Variants in MAST2 observed in about 807,000 individuals in gnomAD.
The protein encoded by MAST2 is microtubule associated serine/threonine kinase 2, also known as microtubule-associated serine/threonine-protein kinase 2.
Under a neutral mutation model 147.4 loss-of-function variants are expected in MAST2, and 70 were observed. The ratio of observed to expected loss-of-function variants is 0.47; its 90% CI spans 0.39 to 0.58. The LOEUF (loss-of-function observed/expected upper bound fraction) is 0.58. MAST2 is among the 20% of genes least tolerant of loss of function. The pLI, the probability that MAST2 is intolerant of heterozygous loss-of-function variation, is 0.00. For synonymous variants in MAST2, 869 were observed against 896.8 expected, an observed-to-expected ratio of 0.97 and a Z score of 0.55; for missense variants, 2,080 against 2,302.3, an observed-to-expected ratio of 0.90 and a Z score of 1.98.
At chr1:46,014,735 A>T (rs1212927961) in intron 10 of MAST2, among the ~76,000 whole-genome samples, 2 of 152,104 alleles carry the variant, frequency 1.3e-5, no homozygotes, top group South Asian at 4.1e-4. Flanking sequence ...GGGAGACTTT[A>T]ACACCCCACT....
At chr1:45,913,241 C>T (rs569341893) in intron 4 of MAST2, among the ~76,000 whole-genome samples, 23 of 152,278 alleles carry the variant, frequency 1.5e-4, no homozygotes, top group African/African-American at 5.1e-4. Context: ...TGTAGTCTTC[C>T]TTCAGGCTTG....
At position 46,003,253 on chromosome 1, in the gene MAST2, A is replaced by G. The variant is rs370798017; in HGVS notation, c.747+370A>G. ...GAACCAAGAGCAGATCACCTTTCTC[A>G]TATCTGAAGCACTTGGTAGACTCTC... On this transcript the variant is annotated intron_variant, in intron 7 of 28. Coordinates refer to ENST00000361297, the MANE Select transcript of MAST2 (RefSeq NM_015112.3). Among the ~76,000 whole-genome samples the G allele has an allele frequency of 2.4e-4, 36 of 152,256 alleles. 1 individual carries two copies. Among genetic ancestry groups the G allele is most frequent in the South Asian group, 2.1e-3 (10 of 4,826 alleles).
chr1:45,967,911 C>CGTGTGTGT, intron 5 of MAST2, among the ~76,000 whole-genome samples: 1 of 152,192 alleles, frequency 6.6e-6, no homozygotes, highest in Non-Finnish European at 1.5e-5. Flanking sequence ...TATATATAAG[C>CGTGTGTGT]ACATGTGTGT....
intron 10 of MAST2, chr1:46,011,208 G>T: frequency 2.3e-6 from 1 of 440,456 alleles, no homozygotes; most frequent in African/African-American, 2.0e-5. Context: ...CTCCACCATG[G>T]GTAGTAGTCA....
chr1:45,942,560 G>T (rs138340965), intron 4 of MAST2, among the ~76,000 whole-genome samples: 3 of 152,200 alleles, frequency 2.0e-5, no homozygotes, highest in Non-Finnish European at 4.4e-5. Context: ...ATGCAGGTTT[G>T]TTATATAGGT....
chr1:45,847,492 A>G (rs779290973), intron 3 of MAST2: 21 of 759,106 alleles, frequency 2.8e-5, no homozygotes, highest in Non-Finnish European at 3.2e-5. Context: ...TCATTCTTCA[A>G]TTTTTCCTTT....
At chr1:45,889,167 T>C (rs1309955962) in intron 4 of MAST2, among the ~76,000 whole-genome samples, 1 of 152,202 alleles carries the variant, frequency 6.6e-6, no homozygotes, top group Non-Finnish European at 1.5e-5. Context: ...TTATTAGATA[T>C]TAATTTAAAC....
At chr1:45,966,422 TA>T (rs969914547) in intron 5 of MAST2, among the ~76,000 whole-genome samples, 302 of 123,022 alleles carry the variant, frequency 2.5e-3, no homozygotes, top group Middle Eastern at 9.1e-3. Flanking sequence ...TTTGATTTTG[TA>T]AAAAAAAAAA....
chr1:46,006,324 C>T lies in MAST2; in HGVS notation c.831C>T (p.Phe277=). The change falls in exon 8 of 29, where the codon TTC becomes TTT. Residue 277 remains phenylalanine, a synonymous_variant. Coordinates refer to ENST00000361297, the MANE Select transcript of MAST2 (RefSeq NM_015112.3). Reference sequence around the variant, plus strand: ...AGCTGCACTTTTTGACGAAGCATTTCAGCACAGAGAGCGTACCAGATGAGG... The same window carrying T: ...AGCTGCACTTTTTGACGAAGCATTTTAGCACAGAGAGCGTACCAGATGAGG... ...ADELHFLTKH[F]STESVPDEEG... 1 of 1,614,110 alleles carries T rather than the reference C, an allele frequency of 6.2e-7. No homozygotes were observed. Among genetic ancestry groups the T allele is most frequent in the South Asian group, 1.1e-5 (1 of 91,056 alleles).
At chr1:45,812,605 T>C (rs1433276006) in intron 1 of MAST2, among the ~76,000 whole-genome samples, 2 of 152,098 alleles carry the variant, frequency 1.3e-5, no homozygotes. Context: ...TTTGTATTTT[T>C]AGTAGAGACT....
chr1:45,926,334 G>C (rs1024056172), intron 4 of MAST2, among the ~76,000 whole-genome samples: 4 of 152,200 alleles, frequency 2.6e-5, no homozygotes, highest in Non-Finnish European at 4.4e-5. Flanking sequence ...AGACTCAGAT[G>C]TTGCTAATTC....
chr1:45,987,776 G>GGTTTTTTTTTTTTTTTTT (rs1644692974), intron 5 of MAST2, among the ~76,000 whole-genome samples: 2 of 30,708 alleles, frequency 6.5e-5, no homozygotes, highest in African/African-American at 1.4e-4. Flanking sequence ...TTTTTTTTTT[G>GGTTTTTTTTTTTTTTTTT]ATTTTTTTTT....
At chr1:45,848,056 T>G (rs1201949673) in intron 3 of MAST2, among the ~76,000 whole-genome samples, 1 of 152,216 alleles carries the variant, frequency 6.6e-6, no homozygotes, top group Non-Finnish European at 1.5e-5. Context: ...TCCAGAACAT[T>G]GAGTTGTCAT....
intron 4 of MAST2, among the ~76,000 whole-genome samples, chr1:45,886,088 A>G (rs1270927932): frequency 6.6e-6 from 1 of 151,822 alleles, no homozygotes; most frequent in East Asian, 1.9e-4. Flanking sequence ...ACATAGTGAG[A>G]CCCTGTCTCT....
At chr1:45,962,616 T>A (rs144069307) in intron 5 of MAST2, among the ~76,000 whole-genome samples, 6,876 of 152,086 alleles carry the variant, frequency 0.045, 495 homozygotes, top group African/African-American at 0.15. Context: ...TGTGATGGGG[T>A]TGTTTGTTTT....
chr1:46,036,099 T>C lies in MAST2; in HGVS notation c.*33T>C. The C allele has an allele frequency of 3.2e-6, 5 of 1,542,350 alleles. No individual in the cohort carries two copies. The highest frequency in any genetic ancestry group is 4.4e-6 in the Non-Finnish European group (5 of 1,141,788). On this transcript the variant is annotated 3_prime_UTR_variant, in exon 29 of 29. Transcript: ENST00000361297. The stretch of plus-strand genomic sequence containing the variant: ...TTGCCATTTCTTGCACTCAGACCTG[T>C]GTAATATATGCTCCTGGAAACCATC...
intron 3 of MAST2, among the ~76,000 whole-genome samples, chr1:45,874,768 A>C (rs940433514): frequency 4.6e-5 from 7 of 152,228 alleles, no homozygotes; most frequent in African/African-American, 1.7e-4. Flanking sequence ...CAGTCAAAGA[A>C]AACAGATAAT....
Position 46,029,576 on chromosome 1 carries a change from G to A in MAST2, c.2320+9G>A. The A allele has an allele frequency of 6.2e-7, 1 of 1,611,832 alleles. No individual in the cohort carries two copies. The highest frequency in any genetic ancestry group is 8.5e-7 in the Non-Finnish European group (1 of 1,178,672). On this transcript the variant is annotated intron_variant, in intron 19 of 28. Transcript: ENST00000361297. ...GGAGAGACTTGGCACAGGTAGGGCA[G>A]GCCCTGCTAACTTTTCTCACTACTT... is the stretch of plus-strand genomic sequence containing the variant.
At chr1:45,965,555 T>G (rs1346679862) in intron 5 of MAST2, among the ~76,000 whole-genome samples, 3 of 152,160 alleles carry the variant, frequency 2.0e-5, no homozygotes, top group Admixed American at 2.0e-4. Flanking sequence ...ACCCCTGCCT[T>G]TCTTTGTTTT....
Sources: allele counts gnomAD v4.1 joint callset (sites outside exome capture counted in the v4.1 genomes callset), GRCh38; gene constraint gnomAD v4.1.1; transcripts MANE v1.5; gene names NCBI Gene and HGNC (gene_info 2026-07-23, HGNC 2026-07-21).